Variants in PJA2 observed in about 807,000 individuals in gnomAD.
PJA2 encodes E3 ubiquitin-protein ligase Praja-2.
In PJA2, 25 loss-of-function variants were observed where a neutral mutation model predicts 69.3. That is an observed-to-expected ratio of 0.36 (90% confidence interval 0.26 to 0.50). The LOEUF (loss-of-function observed/expected upper bound fraction) is 0.50, where lower values mean the gene tolerates loss of function less well. PJA2 is among the 20% of genes least tolerant of loss of function. PJA2 has a pLI of 0.96. For synonymous variants in PJA2, 308 were observed against 277.8 expected (o/e 1.11, Z -1.08); for missense variants, 809 against 830.2 (o/e 0.97, Z 0.31).
chr5:109,346,739 G>A (rs529284439), intron 7 of PJA2, among the ~76,000 whole-genome samples: 2 of 152,176 alleles, frequency 1.3e-5, no homozygotes, highest in East Asian at 3.8e-4. Flanking sequence ...AATGGTGGTT[G>A]CCAGGGGCTG....
chr5:109,342,444 C>CG (rs1762087695), intron 9 of PJA2, among the ~76,000 whole-genome samples: 1 of 137,224 alleles, frequency 7.3e-6, no homozygotes, highest in Non-Finnish European at 1.6e-5. Flanking sequence ...GGCCCCCCGC[C>CG]CGGCCAGCCG....
Position 109,344,836 on chromosome 5 carries a change from A to C in PJA2, c.1765-17T>G, listed in dbSNP as rs1279031563. On this transcript the variant is annotated splice_polypyrimidine_tract_variant and intron_variant, in intron 7 of 9. Coordinates refer to ENST00000361189, the MANE Select transcript of PJA2 (RefSeq NM_014819.5). ...CAGAGCAGTCTGAAAAACAAAAGGT[A>C]CAGTTCTTTGTTAGAAATACTTTAA... is the stretch of plus-strand genomic sequence containing the variant. The C allele has an allele frequency of 6.6e-7, 1 of 1,526,328 alleles. No individual in the cohort carries two copies. Among genetic ancestry groups the C allele is most frequent in the East Asian group, 2.3e-5 (1 of 44,276 alleles). The allele number at this position is 1,526,328 out of a possible 1,614,324, so 94.5% of individuals were successfully genotyped here. A position where few individuals can be genotyped will look rare whatever the true frequency, so the allele number is the denominator to read the frequency against.
chr5:109,348,621 A>C (rs1762206326), intron 7 of PJA2, among the ~76,000 whole-genome samples: 1 of 152,166 alleles, frequency 6.6e-6, no homozygotes, highest in South Asian at 2.1e-4. Context: ...TGGAGTGTGA[A>C]TCTCTTACTG....
At chr5:109,362,634 T>A (rs909518243) in intron 6 of PJA2, among the ~76,000 whole-genome samples, 2 of 152,002 alleles carry the variant, frequency 1.3e-5, no homozygotes, top group Non-Finnish European at 2.9e-5. Context: ...TCAAGAGAGC[T>A]AAAGGTCAAA....
chr5:109,347,369 G>T (rs990261580), intron 7 of PJA2, among the ~76,000 whole-genome samples: 1 of 152,210 alleles, frequency 6.6e-6, no homozygotes, highest in Non-Finnish European at 1.5e-5. Flanking sequence ...GGTTCCCTTG[G>T]GCTTGCCCCT....
Position 109,363,950 on chromosome 5 carries a change from G to C in PJA2, c.1470-928C>G, listed in dbSNP as rs376282619. On this transcript the variant is annotated intron_variant, in intron 5 of 9. Transcript: ENST00000361189. Reference sequence around the variant, plus strand: ...GCAGATCACTTGAGGCCAGGAGTTTGAGACCAGCCTGGACAACATAGTGAA... The same window carrying C: ...GCAGATCACTTGAGGCCAGGAGTTTCAGACCAGCCTGGACAACATAGTGAA... Among the ~76,000 whole-genome samples, 50 of 152,228 alleles carry C rather than the reference G, an allele frequency of 3.3e-4. No individual in the cohort carries two copies. The South Asian group carries it at 0.01, about 32-fold the overall frequency.
intron 1 of PJA2, among the ~76,000 whole-genome samples, chr5:109,407,247 A>T (rs941521425): frequency 3.3e-5 from 5 of 152,204 alleles, no homozygotes; most frequent in African/African-American, 9.6e-5. Flanking sequence ...GTGCTCTCTC[A>T]GGAAAATATA....
intron 1 of PJA2, among the ~76,000 whole-genome samples, chr5:109,391,073 T>C (rs1178046606): frequency 6.6e-6 from 1 of 152,144 alleles, no homozygotes; most frequent in Non-Finnish European, 1.5e-5. Context: ...TGAAAATGCA[T>C]TAAAGACCCT....
At position 109,336,965 on chromosome 5, in the gene PJA2, G is replaced by C. The variant is rs1395750268; in HGVS notation, c.*266C>G. On this transcript the variant is annotated 3_prime_UTR_variant, in exon 10 of 10. Coordinates refer to ENST00000361189, the MANE Select transcript of PJA2 (RefSeq NM_014819.5). ...CAGATGATTATTTATTCTGGAGAGA[G>C]TCAACTGATAAGCTTGGCTTTACAA... 4.5e-5 allele frequency: 9 copies of C among 199,660 alleles called. No individual in the cohort carries two copies. 12.4% of individuals were successfully genotyped at this position (199,660 alleles called of 1,614,324 possible).
At chr5:109,341,624 C>A (rs1762063419) in intron 9 of PJA2, among the ~76,000 whole-genome samples, 6 of 102,570 alleles carry the variant, frequency 5.8e-5, no homozygotes, top group Non-Finnish European at 1.3e-4. Context: ...CCCGCCTGGC[C>A]AGCCGCCCCG....
chr5:109,340,621 T>C (rs1266874111), intron 9 of PJA2, among the ~76,000 whole-genome samples: 5 of 7,452 alleles, frequency 6.7e-4, no homozygotes, highest in African/African-American at 9.9e-4. Context: ...ATTGGGTCCC[T>C]CCCCCTCCCC....
chr5:109,394,408 A>C (rs1747357607), intron 1 of PJA2, among the ~76,000 whole-genome samples: 1 of 152,156 alleles, frequency 6.6e-6, no homozygotes, highest in African/African-American at 2.4e-5. Context: ...TAATTTACTG[A>C]AGTTACACCC....
At chr5:109,407,821 T>G (rs746664002) in intron 1 of PJA2, among the ~76,000 whole-genome samples, 2 of 151,938 alleles carry the variant, frequency 1.3e-5, no homozygotes, top group Non-Finnish European at 2.9e-5. Flanking sequence ...AGAAAAACTA[T>G]AAAAATTTCC....
chr5:109,350,938 C>A (rs1335299833), intron 7 of PJA2, among the ~76,000 whole-genome samples: 1 of 152,178 alleles, frequency 6.6e-6, no homozygotes, highest in Non-Finnish European at 1.5e-5. Context: ...TAAGAATGCA[C>A]CTGCAGTATA....
At chr5:109,365,011 A>G (rs1029964091) in intron 5 of PJA2, among the ~76,000 whole-genome samples, 2 of 152,220 alleles carry the variant, frequency 1.3e-5, no homozygotes, top group Admixed American at 1.3e-4. Context: ...AAAGCTTTGA[A>G]GAAAGGCAAT....
chr5:109,372,249 T>C (rs569926584), intron 4 of PJA2, among the ~76,000 whole-genome samples: 7 of 152,358 alleles, frequency 4.6e-5, no homozygotes, highest in South Asian at 4.1e-4. Context: ...ATAACACTTA[T>C]AATTTACTGC....
chr5:109,346,277 C>A (rs1362664231), intron 7 of PJA2, among the ~76,000 whole-genome samples: 2 of 152,196 alleles, frequency 1.3e-5, no homozygotes, highest in Non-Finnish European at 2.9e-5. Flanking sequence ...GGAAATTTGA[C>A]AACTATCAAA....
intron 1 of PJA2, among the ~76,000 whole-genome samples, chr5:109,389,288 T>C (rs1747231392): frequency 6.6e-6 from 1 of 152,138 alleles, no homozygotes; most frequent in African/African-American, 2.4e-5. Flanking sequence ...AGGATTTTCT[T>C]TGTGGAAAGG....
chr5:109,405,817 T>C (rs1183549645), intron 1 of PJA2, among the ~76,000 whole-genome samples: 2 of 152,062 alleles, frequency 1.3e-5, no homozygotes, highest in Non-Finnish European at 2.9e-5. Context: ...CTGCACAACT[T>C]TGCATTAAGC....
Sources: allele counts gnomAD v4.1 joint callset (sites outside exome capture counted in the v4.1 genomes callset), GRCh38; gene constraint gnomAD v4.1.1; transcripts MANE v1.5; gene names NCBI Gene and HGNC (gene_info 2026-07-23, HGNC 2026-07-21).